LRRTM4: variants seen among roughly 807,000 people sequenced by gnomAD.
The protein encoded by LRRTM4 is leucine-rich repeat transmembrane neuronal protein 4.
A neutral mutation model predicts 47.6 loss-of-function variants in LRRTM4; 25 were observed. The ratio of observed to expected loss-of-function variants is 0.53; its 90% CI spans 0.38 to 0.73. LRRTM4 has a LOEUF of 0.73. Among genes scored for constraint, LRRTM4 ranks in the 30% least tolerant of loss-of-function variants. The probability of loss-of-function intolerance (pLI) is 0.00; values close to 1 mark genes in which losing one functional copy is unlikely to be tolerated. For missense variants in LRRTM4, 638 were observed against 713.4 expected (o/e 0.89, Z 1.20); for synonymous variants, 311 against 269.5 (o/e 1.15, Z -1.51).
chr2:76,786,960 A>G (rs916951683), intron 3 of LRRTM4, among the ~76,000 whole-genome samples: 3 of 152,098 alleles, frequency 2.0e-5, no homozygotes, highest in African/African-American at 7.2e-5. Context: ...TTAGGCACAA[A>G]ATTTACCTAC....
At chr2:77,077,690 G>C (rs1490309060) in intron 3 of LRRTM4, among the ~76,000 whole-genome samples, 2 of 152,070 alleles carry the variant, frequency 1.3e-5, no homozygotes, top group African/African-American at 4.8e-5. Context: ...GGAAATTATG[G>C]AGAATGGGAA....
intron 3 of LRRTM4, among the ~76,000 whole-genome samples, chr2:77,123,920 A>G (rs549656741): frequency 1.4e-3 from 214 of 152,188 alleles, no homozygotes; most frequent in Admixed American, 3.6e-3. Flanking sequence ...CACACTTTAC[A>G]TGCCATTGCA....
intron 3 of LRRTM4, among the ~76,000 whole-genome samples, chr2:77,164,372 C>A (rs1205580949): frequency 6.6e-6 from 1 of 152,158 alleles, no homozygotes; most frequent in Non-Finnish European, 1.5e-5. Flanking sequence ...GAGACTTTAA[C>A]ACCCTACTGT....
At chr2:76,992,701 A>C (rs1282243769) in intron 3 of LRRTM4, among the ~76,000 whole-genome samples, 1 of 151,780 alleles carries the variant, frequency 6.6e-6, no homozygotes, top group East Asian at 1.9e-4. Flanking sequence ...TATACTGCCC[A>C]AAACAACCTG....
At chr2:76,798,163 C>A (rs894277480) in intron 3 of LRRTM4, among the ~76,000 whole-genome samples, 28 of 152,084 alleles carry the variant, frequency 1.8e-4, no homozygotes, top group Admixed American at 5.2e-4. Context: ...TTCAGCACCG[C>A]ACCACACCTA....
At chr2:77,502,177 G>C (rs1302584153) in intron 3 of LRRTM4, among the ~76,000 whole-genome samples, 3 of 151,360 alleles carry the variant, frequency 2.0e-5, no homozygotes, top group Admixed American at 6.6e-5. Flanking sequence ...ATGTTCACAA[G>C]AGAGTAAGCA....
intron 3 of LRRTM4, among the ~76,000 whole-genome samples, chr2:77,175,941 G>A (rs1283714001): frequency 1.3e-5 from 2 of 151,176 alleles, no homozygotes; most frequent in Non-Finnish European, 2.9e-5. Context: ...TTACAGGCAT[G>A]AGCCACTGCG....
At chr2:77,358,648 T>C (rs751447212) in intron 3 of LRRTM4, among the ~76,000 whole-genome samples, 1 of 152,222 alleles carries the variant, frequency 6.6e-6, no homozygotes, top group Non-Finnish European at 1.5e-5. Context: ...AAATATGAAC[T>C]CTGAATGTAC....
intron 3 of LRRTM4, among the ~76,000 whole-genome samples, chr2:77,029,052 AAT>A (rs1182040448): frequency 4.1e-4 from 57 of 140,598 alleles, no homozygotes; most frequent in Middle Eastern, 7.5e-3. Flanking sequence ...CACACACACA[AAT>A]ATATATATAT....
rs546665123 is a variant in LRRTM4, at chr2:77,316,378, C to T, written c.1551+201940G>A. 2.0e-5 allele frequency among the ~76,000 whole-genome samples: 3 copies of T among 152,246 alleles called. No homozygotes were observed. The South Asian group carries it at 6.2e-4, about 32-fold the overall frequency. On this transcript the variant is annotated intron_variant, in intron 3 of 3. Coordinates refer to ENST00000409884, the MANE Select transcript of LRRTM4 (RefSeq NM_001134745.3). Reference sequence around the variant, plus strand: ...TGCTAATAAACACATTAAAAATGTTCTATGTCAACTGTAAAGTTTTTTAAG... The same window carrying T: ...TGCTAATAAACACATTAAAAATGTTTTATGTCAACTGTAAAGTTTTTTAAG...
In LRRTM4 at chr2:76,963,820, T is replaced by A. The variant is rs568535418; in HGVS notation, c.1552-214904A>T. Among the ~76,000 whole-genome samples the A allele has an allele frequency of 4.6e-5, 7 of 150,854 alleles. No individual in the cohort carries two copies. The South Asian group carries it at 1.2e-3, about 27-fold the overall frequency. ...GTAAGAAGTTTGTACCATAGGTTAATGGCAGATAAACATTTAAGGAAGTAT... is the reference window on the plus strand; with the variant it reads ...GTAAGAAGTTTGTACCATAGGTTAAAGGCAGATAAACATTTAAGGAAGTAT... On this transcript the variant is annotated intron_variant, in intron 3 of 3. Coordinates refer to ENST00000409884, the MANE Select transcript of LRRTM4 (RefSeq NM_001134745.3).
chr2:76,754,096 C>T (rs536384755), intron 3 of LRRTM4, among the ~76,000 whole-genome samples: 24 of 152,180 alleles, frequency 1.6e-4, no homozygotes, highest in Admixed American at 1.4e-3. Flanking sequence ...TAGTGTCTAA[C>T]TACTCAGGGC....
At chr2:76,871,129 T>A (rs181911806) in intron 3 of LRRTM4, among the ~76,000 whole-genome samples, 26 of 152,302 alleles carry the variant, frequency 1.7e-4, no homozygotes, top group African/African-American at 5.8e-4. Flanking sequence ...TATGGCATAT[T>A]CTTTACCGTA....
chr2:77,254,045 C>T (rs1301380097), intron 3 of LRRTM4, among the ~76,000 whole-genome samples: 2 of 151,976 alleles, frequency 1.3e-5, no homozygotes, highest in Non-Finnish European at 2.9e-5. Flanking sequence ...TTTATATATA[C>T]ACACACATAC....
At position 76,936,674 on chromosome 2, in the gene LRRTM4, G is replaced by A. The variant is rs1674961943; in HGVS notation, c.1552-187758C>T. ...AGTTTCTCATTCAAAGATCCACCTGGCCGGGCACAGTGACTCACGCCTCTA... is the reference window on the plus strand; with the variant it reads ...AGTTTCTCATTCAAAGATCCACCTGACCGGGCACAGTGACTCACGCCTCTA... On this transcript the variant is annotated intron_variant, in intron 3 of 3. Transcript: ENST00000409884. Among the ~76,000 whole-genome samples, 3 of 151,024 alleles carry A rather than the reference G, an allele frequency of 2.0e-5. No homozygotes were observed. The South Asian group carries it at 6.3e-4, about 32-fold the overall frequency.
At chr2:77,227,484 C>G (rs1354854824) in intron 3 of LRRTM4, among the ~76,000 whole-genome samples, 1 of 151,860 alleles carries the variant, frequency 6.6e-6, no homozygotes, top group African/African-American at 2.4e-5. Flanking sequence ...ATAGGTGAAG[C>G]AATTATGATT....
At chr2:77,377,511 T>C (rs984806908) in intron 3 of LRRTM4, among the ~76,000 whole-genome samples, 3 of 151,966 alleles carry the variant, frequency 2.0e-5, no homozygotes, top group African/African-American at 7.2e-5. Flanking sequence ...AGTCTTATTG[T>C]TTTGGATAGG....
At chr2:76,831,205 A>G (rs1275012131) in intron 3 of LRRTM4, among the ~76,000 whole-genome samples, 2 of 152,034 alleles carry the variant, frequency 1.3e-5, no homozygotes, top group African/African-American at 4.8e-5. Context: ...ATGTGTGCAT[A>G]TGTGTGTGTG....
At chr2:76,854,581 A>G (rs1167641579) in intron 3 of LRRTM4, among the ~76,000 whole-genome samples, 1 of 152,206 alleles carries the variant, frequency 6.6e-6, no homozygotes, top group Non-Finnish European at 1.5e-5. Context: ...TGCCAATTTT[A>G]ATGTATACAT....
Sources: allele counts gnomAD v4.1 joint callset (sites outside exome capture counted in the v4.1 genomes callset), GRCh38; gene constraint gnomAD v4.1.1; transcripts MANE v1.5; gene names NCBI Gene and HGNC (gene_info 2026-07-23, HGNC 2026-07-21).